The following PLXNA4 variants were observed in gnomAD, a reference collection of about 807,000 sequenced individuals.
The protein encoded by PLXNA4 is plexin A4.
PLXNA4 carries 44 observed loss-of-function variants against 191.8 expected under a neutral mutation model. The observed-to-expected ratio is 0.23, with a 90% CI of 0.18 to 0.29. The LOEUF is 0.29. Ranked by LOEUF, PLXNA4 falls within the 10% of genes least tolerant of loss-of-function variation. The probability of loss-of-function intolerance (pLI) is 1.00; values close to 1 mark genes in which losing one functional copy is unlikely to be tolerated. For missense variants in PLXNA4, 1,800 were observed against 2,488.8 expected, an observed-to-expected ratio of 0.72 and a Z score of 5.89; for synonymous variants, 1,082 against 1,009.5, an observed-to-expected ratio of 1.07 and a Z score of -1.36.
intron 3 of PLXNA4, among the ~76,000 whole-genome samples, chr7:132,367,116 T>C (rs1804218574): frequency 6.6e-6 from 1 of 152,206 alleles, no homozygotes; most frequent in Non-Finnish European, 1.5e-5. Flanking sequence ...TAAGATTACC[T>C]GGAAATGAAA....
chr7:132,306,882 G>A (rs756665832), intron 3 of PLXNA4, among the ~76,000 whole-genome samples: 9 of 152,130 alleles, frequency 5.9e-5, no homozygotes, highest in Non-Finnish European at 1.0e-4. Context: ...TGATACAACC[G>A]TGTCTGGGGC....
chr7:132,449,071 C>A (rs1475343342), intron 3 of PLXNA4, among the ~76,000 whole-genome samples: 1 of 152,206 alleles, frequency 6.6e-6, no homozygotes, highest in East Asian at 1.9e-4. Flanking sequence ...GATGTCAAGA[C>A]TTTTCAAATC....
intron 3 of PLXNA4, among the ~76,000 whole-genome samples, chr7:132,465,329 A>G (rs1199057605): frequency 6.6e-6 from 1 of 152,214 alleles, no homozygotes; most frequent in South Asian, 2.1e-4. Context: ...ACCCACCAAC[A>G]TACACCCTCA....
intron 1 of PLXNA4, among the ~76,000 whole-genome samples, chr7:132,571,510 TAATA>T (rs1801977867): frequency 6.6e-6 from 1 of 151,938 alleles, no homozygotes; most frequent in African/African-American, 2.4e-5. Flanking sequence ...ACTCTAGGAG[TAATA>T]AATGAATGAA....
At chr7:132,187,443 T>C in intron 15 of PLXNA4, 28 bp downstream of exon 15, 2 of 1,605,114 alleles carry the variant, frequency 1.2e-6, no homozygotes, top group South Asian at 2.2e-5. Flanking sequence ...CCCTCTCTGG[T>C]GCTGCAGAAA....
intron 26 of PLXNA4, 106 bp downstream of exon 26, chr7:132,148,437 G>T: frequency 6.7e-7 from 1 of 1,486,378 alleles, no homozygotes; most frequent in Non-Finnish European, 9.1e-7. Flanking sequence ...GGAACATGGA[G>T]TGCTGGTGAG....
intron 2 of PLXNA4, among the ~76,000 whole-genome samples, chr7:132,609,786 T>C (rs893306613): frequency 3.3e-5 from 5 of 152,294 alleles, no homozygotes; most frequent in African/African-American, 9.6e-5. Flanking sequence ...CTGCCCCCCA[T>C]TGGCAGTGGG....
chr7:132,384,648 G>T, intron 3 of PLXNA4: 1 of 993,208 alleles, frequency 1.0e-6, no homozygotes, highest in Non-Finnish European at 1.2e-6. Context: ...GGCTGGGATG[G>T]TTCTGAGCAC....
chr7:132,311,216 T>G (rs1801729031), intron 3 of PLXNA4, among the ~76,000 whole-genome samples: 1 of 127,008 alleles, frequency 7.9e-6, no homozygotes, highest in Non-Finnish European at 1.7e-5. Context: ...TAAAGGAGGG[T>G]CAGAAGGAAG....
At chr7:132,324,799 C>T (rs1399113268) in intron 3 of PLXNA4, among the ~76,000 whole-genome samples, 2 of 152,138 alleles carry the variant, frequency 1.3e-5, no homozygotes, top group African/African-American at 2.4e-5. Context: ...CTGGATGCTG[C>T]AGAAAGGTAG....
intron 21 of PLXNA4, among the ~76,000 whole-genome samples, chr7:132,174,343 G>A (rs770303662): frequency 2.2e-4 from 34 of 152,076 alleles, no homozygotes; most frequent in Non-Finnish European, 4.4e-4. Flanking sequence ...CCAACACATC[G>A]TTTACCTTTT....
intron 1 of PLXNA4, among the ~76,000 whole-genome samples, chr7:132,510,119 T>C (rs1207920212): frequency 6.6e-6 from 1 of 152,234 alleles, no homozygotes; most frequent in Admixed American, 6.5e-5. Flanking sequence ...TTTATGTTTC[T>C]TCCAGTTCGA....
intron 2 of PLXNA4, among the ~76,000 whole-genome samples, chr7:132,587,324 A>T (rs906388733): frequency 2.0e-5 from 3 of 152,238 alleles, no homozygotes; most frequent in Non-Finnish European, 4.4e-5. Context: ...ATGTGAAAGT[A>T]GGATCAGAGA....
chr7:132,452,615 G>A (rs906434231), intron 3 of PLXNA4, among the ~76,000 whole-genome samples: 4 of 152,144 alleles, frequency 2.6e-5, no homozygotes, highest in Admixed American at 6.5e-5. Flanking sequence ...GCTCCCTGGG[G>A]GCCTGATACT....
At chr7:132,289,436 C>T (rs1429357941) in intron 4 of PLXNA4, among the ~76,000 whole-genome samples, 1 of 152,218 alleles carries the variant, frequency 6.6e-6, no homozygotes, top group African/African-American at 2.4e-5. Flanking sequence ...AGGGATATGT[C>T]ACTGTTTCTT....
intron 19 of PLXNA4, 120 bp from the exon 20 acceptor site, chr7:132,180,041 G>A: frequency 1.4e-6 from 2 of 1,438,662 alleles, no homozygotes; most frequent in Non-Finnish European, 1.8e-6. Flanking sequence ...CCAATCACTG[G>A]TGTCAAAATA....
chr7:132,254,627 G>A (rs11984020), intron 4 of PLXNA4, among the ~76,000 whole-genome samples: 1,960 of 152,304 alleles, frequency 0.013, 42 homozygotes, highest in African/African-American at 0.044. Context: ...ACCCAGCGGC[G>A]CTGTGCCAGC....
At chr7:132,134,445 A>C (rs182280980) in intron 30 of PLXNA4, among the ~76,000 whole-genome samples, 1 of 152,320 alleles carries the variant, frequency 6.6e-6, no homozygotes, top group Non-Finnish European at 1.5e-5. Context: ...TTCAATTTGC[A>C]CCAGAGCATC....
chr7:132,516,178 T>C (rs1798927528), intron 1 of PLXNA4, among the ~76,000 whole-genome samples: 1 of 152,238 alleles, frequency 6.6e-6, no homozygotes, highest in Non-Finnish European at 1.5e-5. Context: ...TACCCTGTTC[T>C]AAACCAGGGT....
Sources: gnomAD v4.1 joint callset for allele counts (sites outside exome capture counted in the v4.1 genomes callset) on GRCh38, gnomAD v4.1.1 for gene constraint, MANE v1.5 for transcripts, NCBI Gene and HGNC (gene_info 2026-07-23, HGNC 2026-07-21) for gene names.